Variants in MYT1 observed in about 807,000 individuals in gnomAD.
MYT1 encodes the protein myelin transcription factor I.
A neutral mutation model predicts 123.0 loss-of-function variants in MYT1; 23 were observed. The observed-to-expected ratio is 0.19, with a 90% CI of 0.13 to 0.26. The LOEUF is 0.26. Ranked by LOEUF, MYT1 falls within the 10% of genes least tolerant of loss-of-function variation. MYT1 has a pLI of 1.00. For missense variants in MYT1, 1,125 were observed against 1,472.5 expected, an observed-to-expected ratio of 0.76 and a Z score of 3.86; for synonymous variants, 518 against 575.3, an observed-to-expected ratio of 0.90 and a Z score of 1.43.
chr20:64,165,091 ATGTC>A (rs1485004475), intron 1 of MYT1, among the ~76,000 whole-genome samples: 1 of 152,068 alleles, frequency 6.6e-6, no homozygotes, highest in Non-Finnish European at 1.5e-5. Context: ...AACAACGGAT[ATGTC>A]TGTGGCCGTG....
intron 1 of MYT1, among the ~76,000 whole-genome samples, chr20:64,170,690 G>T (rs1482198095): frequency 6.6e-6 from 1 of 150,408 alleles, no homozygotes; most frequent in Admixed American, 6.6e-5. Flanking sequence ...GTTTTGGCTG[G>T]CTTATTTAGA....
intron 1 of MYT1, among the ~76,000 whole-genome samples, chr20:64,182,320 G>A (rs982769921): frequency 2.0e-5 from 3 of 152,222 alleles, no homozygotes; most frequent in South Asian, 2.1e-4. Flanking sequence ...GTCCCAGGGC[G>A]TGGCAGGCCC....
chr20:64,220,302 C>T (rs1319983422), intron 13 of MYT1, among the ~76,000 whole-genome samples: 4 of 152,202 alleles, frequency 2.6e-5, no homozygotes, highest in Non-Finnish European at 5.9e-5. Flanking sequence ...AGAAAGGCAT[C>T]GTTCAGATCC....
rs1568722710 is a variant in MYT1, at chr20:64,235,737, T to TGGTGGGTGACCCTTGGCTGGCC, written c.2898-817_2898-816insGTGGGTGACCCTTGGCTGGCCG. ...CCGTGGTGGGTGACCCTTGGCTGGC[T>TGGTGGGTGACCCTTGGCTGGCC]GTGGTGGGTGACCCTTGGATGGCTG... On this transcript the variant is annotated intron_variant, in intron 19 of 22. Coordinates refer to ENST00000328439, the MANE Select transcript of MYT1 (RefSeq NM_004535.3). Among the ~76,000 whole-genome samples the TGGTGGGTGACCCTTGGCTGGCC allele has an allele frequency of 6.3e-3, 393 of 62,710 alleles. 19 individuals carry two copies. Among genetic ancestry groups the TGGTGGGTGACCCTTGGCTGGCC allele is most frequent in the South Asian group, 0.015 (21 of 1,356 alleles). The allele number at this position is 62,710 out of a possible 152,430, so 41.1% of individuals were successfully genotyped here.
chr20:64,237,813 C>T (rs1417066946), intron 21 of MYT1, among the ~76,000 whole-genome samples: 9 of 152,142 alleles, frequency 5.9e-5, no homozygotes, highest in South Asian at 4.1e-4. Flanking sequence ...TCTCTGGAGC[C>T]GGGTTTCCTT....
At chr20:64,228,258 C>G (rs1034815630) in intron 18 of MYT1, among the ~76,000 whole-genome samples, 2 of 152,180 alleles carry the variant, frequency 1.3e-5, no homozygotes, top group South Asian at 4.1e-4. Flanking sequence ...GGCAGAGCAC[C>G]CTTCTACCTA....
chr20:64,240,212 GC>G, intron 22 of MYT1, 107 bp from the exon 23 acceptor site: 1 of 1,492,032 alleles, frequency 6.7e-7, no homozygotes, highest in East Asian at 2.3e-5. Context: ...GTTGGTGTGG[GC>G]TTGTCTCAGG....
Position 64,227,474 on chromosome 20 carries a change from G to A in MYT1, c.2588G>A (p.Arg863Gln), listed in dbSNP as rs1323572830. ...GHITGNYASH[R>Q]SLSGCPRAKK... ...ATCACAGGGAACTACGCTTCACACC[G>A]GAGGTGAGCCTGCCACACCCTCAGG... is the stretch of plus-strand genomic sequence containing the variant. The change falls in exon 17 of 23, where the codon CGG becomes CAG. Residue 863 changes from arginine to glutamine, a missense_variant. This residue lies in a region of MYT1 where 47 missense variants were observed against 113.1 expected (regional missense o/e 0.42). Transcript: ENST00000328439. 1 of 1,611,940 alleles carries A rather than the reference G, an allele frequency of 6.2e-7. No individual in the cohort carries two copies. The highest frequency in any genetic ancestry group is 8.5e-7 in the Non-Finnish European group (1 of 1,179,366).
chr20:64,184,627 A>T (rs952398858), intron 1 of MYT1, among the ~76,000 whole-genome samples: 1 of 152,166 alleles, frequency 6.6e-6, no homozygotes, highest in Non-Finnish European at 1.5e-5. Context: ...TGCCATACAA[A>T]TTTTTAGAAT....
Position 64,189,200 on chromosome 20 carries a change from C to A in MYT1, c.-98-863C>A, listed in dbSNP as rs940053608. On this transcript the variant is annotated intron_variant, in intron 1 of 22. Coordinates refer to ENST00000328439, the MANE Select transcript of MYT1 (RefSeq NM_004535.3). This position sits in a 1 kb window ranked among gnomAD's most constrained non-coding sequence, Gnocchi z 5.5. ...GGGAATAGCGTGCCTTCGGCAGAAT[C>A]CAAACTCACTTCCAAGGCAAAGCCA... 5.9e-5 allele frequency among the ~76,000 whole-genome samples: 9 copies of A among 152,210 alleles called. No individual in the cohort carries two copies. The highest frequency in any genetic ancestry group is 2.2e-4 in the African/African-American group (9 of 41,458).
In MYT1 at chr20:64,212,034, C is replaced by A; in HGVS notation, c.1427-14C>A. On this transcript the variant is annotated splice_polypyrimidine_tract_variant and intron_variant, in intron 8 of 22. Coordinates refer to ENST00000328439, the MANE Select transcript of MYT1 (RefSeq NM_004535.3). The surrounding 1 kb of genome is among the most constrained non-coding windows in gnomAD (Gnocchi z 6.8). ...TGACAGCCTCGGCTCCCTCCACCCCCTGTTCTCTTACAGTCTTAGCCATGC... is the reference window on the plus strand; with the variant it reads ...TGACAGCCTCGGCTCCCTCCACCCCATGTTCTCTTACAGTCTTAGCCATGC... 6.2e-7 allele frequency: 1 copy of A among 1,610,074 alleles called. No homozygotes were observed. The highest frequency in any genetic ancestry group is 8.5e-7 in the Non-Finnish European group (1 of 1,176,682).
chr20:64,198,979 G>A, intron 3 of MYT1, 63 bp downstream of exon 3: 1 of 1,572,844 alleles, frequency 6.4e-7, no homozygotes, highest in Non-Finnish European at 8.7e-7. Flanking sequence ...GTCTTCCTCA[G>A]GAGCACAAAC....
intron 21 of MYT1, among the ~76,000 whole-genome samples, chr20:64,238,204 A>C (rs2145738409): frequency 6.6e-6 from 1 of 152,310 alleles, no homozygotes; most frequent in African/African-American, 2.4e-5. Context: ...TGGGGGAGAC[A>C]TAACTGTGCC....
chr20:64,219,627 G>C lies in MYT1; in HGVS notation c.1972-86G>C, dbSNP rs1601718778. On this transcript the variant is annotated intron_variant, in intron 12 of 22. Coordinates refer to ENST00000328439, the MANE Select transcript of MYT1 (RefSeq NM_004535.3). ...TCCTTCTATGGGAACCAGTGTTCTG[G>C]ACTCTGTACGTTTGATTCAAATGGA... 3 of 1,210,906 alleles carry C rather than the reference G, an allele frequency of 2.5e-6. No homozygotes were observed. The South Asian group carries it at 4.2e-5, about 17-fold the overall frequency. The allele number at this position is 1,210,906 out of a possible 1,614,324, so 75.0% of individuals were successfully genotyped here.
At position 64,212,202 on chromosome 20, in the gene MYT1, G is replaced by GTA. The variant is rs1983693011; in HGVS notation, c.1517+64_1517+65insTA. 3.3e-6 allele frequency: 1 copy of GTA among 305,488 alleles called. No homozygotes were observed. Among genetic ancestry groups the GTA allele is most frequent in the African/African-American group, 6.6e-5 (1 of 15,206 alleles). 18.9% of individuals were successfully genotyped at this position (305,488 alleles called of 1,614,324 possible). A position where few individuals can be genotyped will look rare whatever the true frequency, so the allele number is the denominator to read the frequency against. On this transcript the variant is annotated intron_variant, in intron 9 of 22. Transcript: ENST00000328439. This position sits in a 1 kb window ranked among gnomAD's most constrained non-coding sequence, Gnocchi z 6.8. ...GGGGGCCGTGGTGGGGGCCAGGGTG[G>GTA]GGGCCGTGGTGGGGGCCAGGGTGGG...
intron 14 of MYT1, 115 bp from the exon 15 acceptor site, chr20:64,222,996 C>T (rs770280530): frequency 2.1e-5 from 25 of 1,182,000 alleles, no homozygotes; most frequent in African/African-American, 4.5e-5. Context: ...GAGGGGCCAC[C>T]GCTTGGCTCG....
At chr20:64,216,978 T>C in intron 10 of MYT1, 89 bp from the exon 11 acceptor site, 1 of 1,285,020 alleles carries the variant, frequency 7.8e-7, no homozygotes, top group African/African-American at 1.5e-5. Flanking sequence ...GTGAGGCCCC[T>C]GCCTGGGCTG....
In MYT1 at chr20:64,212,162, A is replaced by AGTGGGGGCCAGGGTGGGGGCCGTG. The variant is rs66498134; in HGVS notation, c.1517+104_1517+127dup. The AGTGGGGGCCAGGGTGGGGGCCGTG allele has an allele frequency of 6.3e-5, 73 of 1,155,476 alleles. No individual in the cohort carries two copies. The African/African-American group carries it at 1.2e-3, about 19-fold the overall frequency. 71.6% of individuals were successfully genotyped at this position (1,155,476 alleles called of 1,614,324 possible). A position where few individuals can be genotyped will look rare whatever the true frequency, so the allele number is the denominator to read the frequency against. On this transcript the variant is annotated intron_variant, in intron 9 of 22. Coordinates refer to ENST00000328439, the MANE Select transcript of MYT1 (RefSeq NM_004535.3). The surrounding 1 kb of genome is among the most constrained non-coding windows in gnomAD (Gnocchi z 6.8). Reference sequence around the variant, plus strand: ...AGGTACTTGGACTGAGCTGGGCCGTAGTGGGGGCCAGGGTGGGGGCCGTGG... The same window carrying AGTGGGGGCCAGGGTGGGGGCCGTG: ...AGGTACTTGGACTGAGCTGGGCCGTAGTGGGGGCCAGGGTGGGGGCCGTGGTGGGGGCCAGGGTGGGGGCCGTGG...
In MYT1 at chr20:64,207,961, G is replaced by A. The variant is rs1983537512; in HGVS notation, c.765G>A (p.Leu255=). 1 of 1,608,486 alleles carries A rather than the reference G, an allele frequency of 6.2e-7. No homozygotes were observed. The highest frequency in any genetic ancestry group is 1.7e-5 in the Admixed American group (1 of 59,542). The change falls in exon 7 of 23, where the codon CTG becomes CTA. Residue 255 remains leucine (L), a synonymous_variant. Coordinates refer to ENST00000328439, the MANE Select transcript of MYT1 (RefSeq NM_004535.3). The part of the protein sequence containing the change: ...SEESSKQKGI[L]SHEEEDEEEE... Reference sequence around the variant, plus strand: ...AGTCCAGCAAGCAGAAAGGCATCCTGAGTCACGAAGAGGAGGACGAGGAGG... The same window carrying A: ...AGTCCAGCAAGCAGAAAGGCATCCTAAGTCACGAAGAGGAGGACGAGGAGG...
Sources: allele counts gnomAD v4.1 joint callset (sites outside exome capture counted in the v4.1 genomes callset), GRCh38; gene constraint gnomAD v4.1.1; regional missense constraint gnomAD v4.1.1; non-coding constraint Gnocchi (gnomAD v3.1); transcripts MANE v1.5; gene names NCBI Gene and HGNC (gene_info 2026-07-23, HGNC 2026-07-21).